GPR174: variants seen among roughly 807,000 people sequenced by gnomAD.
GPR174 encodes the protein probable G protein-coupled receptor 174.
A neutral mutation model predicts 16.5 loss-of-function variants in GPR174; 8 were observed. The observed-to-expected ratio is 0.48, with a 90% CI of 0.28 to 0.87. GPR174 has a LOEUF of 0.87. Among genes scored for constraint, GPR174 ranks in the 40% least tolerant of loss-of-function variants. The pLI is 0.09. For missense variants in GPR174, 214 were observed against 247.5 expected (o/e 0.86, Z 0.91); for synonymous variants, 111 against 94.8 (o/e 1.17, Z -0.99).
At chrX:79,147,876 G>A (rs1926532899) in intron 1 of GPR174, among the ~76,000 whole-genome samples, 1 of 111,784 alleles carries the variant, frequency 8.9e-6, no homozygotes, top group Admixed American at 9.5e-5. Context: ...TGCTATCTGA[G>A]ATCTGAAAAT....
At chrX:79,158,442 C>CTTTTTT (rs1273588581) in intron 2 of GPR174, among the ~76,000 whole-genome samples, 3 of 73,942 alleles carry the variant, frequency 4.1e-5, no homozygotes, top group African/African-American at 1.4e-4. Context: ...TTCTTTCTTT[C>CTTTTTT]TTTTTCTTTT....
intron 1 of GPR174, among the ~76,000 whole-genome samples, chrX:79,145,785 T>C (rs763668606): frequency 1.8e-5 from 2 of 111,893 alleles, no homozygotes; most frequent in Non-Finnish European, 3.8e-5. Context: ...TTAATTATTG[T>C]AATTAATGAT....
chrX:79,171,590 G>A lies in GPR174; in HGVS notation c.583G>A (p.Val195Ile), dbSNP rs1921517160. 8.3e-7 allele frequency: 1 copy of A among 1,211,342 alleles called. No individual in the cohort carries two copies. The highest frequency in any genetic ancestry group is 1.7e-5 in the African/African-American group (1 of 57,662). Residue 195 changes from valine (V) to isoleucine (I), a missense_variant, in exon 3 of 3, where the codon GTA becomes ATA. Transcript: ENST00000645147. ...MMTIGELIGFVTPLLIVLYCT... is the reference protein window; with the variant it reads ...MMTIGELIGFITPLLIVLYCT... The stretch of plus-strand genomic sequence containing the variant: ...GACCATTGGCGAGTTGATTGGGTTT[G>A]TAACTCCGCTTCTGATTGTCCTATA...
At chrX:79,146,809 C>G (rs1443208308) in intron 1 of GPR174, among the ~76,000 whole-genome samples, 2 of 111,682 alleles carry the variant, frequency 1.8e-5, no homozygotes, top group Non-Finnish European at 3.8e-5. Flanking sequence ...CCCCTTTGTA[C>G]TAGGTAACTG....
intron 1 of GPR174, among the ~76,000 whole-genome samples, chrX:79,152,248 G>A (rs987565004): frequency 7.2e-5 from 8 of 111,551 alleles, no homozygotes; most frequent in South Asian, 7.5e-4. Context: ...GAATTTGGGA[G>A]AATACATGGG....
intron 2 of GPR174, among the ~76,000 whole-genome samples, chrX:79,168,390 C>A (rs1340392624): frequency 9.0e-6 from 1 of 111,473 alleles, no homozygotes; most frequent in Non-Finnish European, 1.9e-5. Context: ...TCTCTACTTG[C>A]AATTAGTGTC....
intron 1 of GPR174, among the ~76,000 whole-genome samples, chrX:79,154,688 AC>A (rs1245797356): frequency 9.0e-6 from 1 of 111,051 alleles, no homozygotes; most frequent in Non-Finnish European, 1.9e-5. Context: ...GCACAAAGTA[AC>A]CTCAGGGATA....
At chrX:79,161,421 T>A (rs1239646293) in intron 2 of GPR174, among the ~76,000 whole-genome samples, 1 of 112,764 alleles carries the variant, frequency 8.9e-6, no homozygotes, top group Non-Finnish European at 1.9e-5. Context: ...AAATAACATT[T>A]ATTAACAATT....
At chrX:79,162,671 A>T (rs906106385) in intron 2 of GPR174, among the ~76,000 whole-genome samples, 1 of 112,050 alleles carries the variant, frequency 8.9e-6, no homozygotes, top group Middle Eastern at 4.7e-3. Context: ...ACATTTAGTA[A>T]AAGTCTATTC....
chrX:79,147,903 G>A (rs1013626847), intron 1 of GPR174, among the ~76,000 whole-genome samples: 6 of 111,679 alleles, frequency 5.4e-5, no homozygotes, highest in African/African-American at 2.0e-4. Flanking sequence ...GGGTTCTTCT[G>A]GTATAGTCTT....
At chrX:79,146,909 A>G (rs1471433159) in intron 1 of GPR174, among the ~76,000 whole-genome samples, 1 of 111,198 alleles carries the variant, frequency 9.0e-6, no homozygotes, top group Non-Finnish European at 1.9e-5. Context: ...AAAGGGAAGT[A>G]AACTCCTTTT....
chrX:79,146,436 A>G (rs1926501241), intron 1 of GPR174, among the ~76,000 whole-genome samples: 1 of 112,426 alleles, frequency 8.9e-6, no homozygotes, highest in Admixed American at 9.4e-5. Flanking sequence ...GATATCAGAT[A>G]TAAACACAAA....
intron 1 of GPR174, among the ~76,000 whole-genome samples, chrX:79,145,856 G>A (rs1008435127): frequency 9.0e-6 from 1 of 111,083 alleles, no homozygotes; most frequent in Non-Finnish European, 1.9e-5. Context: ...GAGAGAAAGA[G>A]GAAATAAGAA....
chrX:79,167,530 T>C (rs888517515), intron 2 of GPR174, among the ~76,000 whole-genome samples: 7 of 110,771 alleles, frequency 6.3e-5, no homozygotes, highest in Non-Finnish European at 1.3e-4. Context: ...TTAATTTCAG[T>C]ACAGGTTGAA....
Position 79,158,998 on chromosome X carries a change from T to C in GPR174, c.-557+2080T>C, listed in dbSNP as rs180859180. Among the ~76,000 whole-genome samples the C allele has an allele frequency of 1.7e-3, 187 of 110,210 alleles. 2 individuals carry two copies. Among genetic ancestry groups the C allele is most frequent in the Non-Finnish European group, 3.0e-3 (156 of 52,815 alleles). ...CATGCCTGTATCAAAATATCTCATG[T>C]ATCCCACAAATATGTATGCTTACTA... On this transcript the variant is annotated intron_variant, in intron 2 of 2. Coordinates refer to ENST00000645147, the MANE Select transcript of GPR174 (RefSeq NM_032553.3).
intron 1 of GPR174, among the ~76,000 whole-genome samples, chrX:79,155,204 C>T (rs1198320781): frequency 9.0e-6 from 1 of 111,656 alleles, no homozygotes; most frequent in African/African-American, 3.3e-5. Flanking sequence ...TGGTACTGTT[C>T]TGATTCTGTT....
chrX:79,172,040 A>G lies in GPR174; in HGVS notation c.*31A>G. ...AAAACCAAACTGAATGTGACCTGAA[A>G]TGCAAGTACATCAGAACATATCTGC... On this transcript the variant is annotated 3_prime_UTR_variant, in exon 3 of 3. Coordinates refer to ENST00000645147, the MANE Select transcript of GPR174 (RefSeq NM_032553.3). 8.7e-7 allele frequency: 1 copy of G among 1,152,684 alleles called. No homozygotes were observed. Among genetic ancestry groups the G allele is most frequent in the Non-Finnish European group, 1.2e-6 (1 of 862,163 alleles). 95.0% of individuals were successfully genotyped at this position (1,152,684 alleles called of 1,213,427 possible).
At chrX:79,151,549 C>T (rs1926601999) in intron 1 of GPR174, among the ~76,000 whole-genome samples, 1 of 111,024 alleles carries the variant, frequency 9.0e-6, no homozygotes, top group African/African-American at 3.3e-5. Flanking sequence ...TGTCTCTATA[C>T]GATGAAGCTA....
chrX:79,152,477 C>T (rs908236510), intron 1 of GPR174, among the ~76,000 whole-genome samples: 3 of 111,320 alleles, frequency 2.7e-5, no homozygotes, highest in African/African-American at 6.5e-5. Context: ...AGTGAGTTAT[C>T]GAATCTTGAG....
Sources: gnomAD v4.1 joint callset for allele counts (sites outside exome capture counted in the v4.1 genomes callset) on GRCh38, gnomAD v4.1.1 for gene constraint, MANE v1.5 for transcripts, NCBI Gene and HGNC (gene_info 2026-07-23, HGNC 2026-07-21) for gene names.